ABHD18: variants seen among roughly 807,000 people sequenced by gnomAD.
The protein encoded by ABHD18 is abhydrolase domain containing 18.
A neutral mutation model predicts 65.9 loss-of-function variants in ABHD18; 55 were observed. The observed-to-expected ratio is 0.84, with a 90% CI of 0.67 to 1.05. The LOEUF is 1.05. Among genes scored for constraint, ABHD18 ranks in the 50% least tolerant of loss-of-function variants. The pLI is 0.00. For missense variants in ABHD18, 533 were observed against 558.5 expected, an observed-to-expected ratio of 0.95 and a Z score of 0.46; for synonymous variants, 181 against 180.2, an observed-to-expected ratio of 1.00 and a Z score of -0.04.
intron 10 of ABHD18, among the ~76,000 whole-genome samples, chr4:128,028,259 A>T (rs1757664279): frequency 6.6e-6 from 1 of 151,104 alleles, no homozygotes; most frequent in African/African-American, 2.5e-5. Context: ...TGGCTTATTC[A>T]CTTAAGATAA....
At chr4:127,996,995 T>G (rs1425384453) in intron 4 of ABHD18, among the ~76,000 whole-genome samples, 1 of 152,190 alleles carries the variant, frequency 6.6e-6, no homozygotes, top group African/African-American at 2.4e-5. Flanking sequence ...TGTACAACAG[T>G]GGTCCTGAGG....
At chr4:127,993,067 C>G (rs1751190992) in intron 4 of ABHD18, among the ~76,000 whole-genome samples, 2 of 152,026 alleles carry the variant, frequency 1.3e-5, no homozygotes, top group Non-Finnish European at 2.9e-5. Flanking sequence ...GAGCAAGACC[C>G]TGTGTCAAAA....
intron 1 of ABHD18, among the ~76,000 whole-genome samples, chr4:127,972,762 C>G (rs1201466110): frequency 1.3e-5 from 2 of 152,002 alleles, no homozygotes; most frequent in African/African-American, 4.8e-5. Flanking sequence ...AAACACTAGT[C>G]AAGCAATTTA....
intron 7 of ABHD18, among the ~76,000 whole-genome samples, 186 bp downstream of exon 7, chr4:128,011,886 T>G (rs190926541): frequency 1.3e-5 from 2 of 152,276 alleles, no homozygotes; most frequent in East Asian, 3.9e-4. Context: ...TTTTGCATTT[T>G]AATGTCTGTT....
intron 7 of ABHD18, among the ~76,000 whole-genome samples, chr4:128,015,406 A>G (rs866671361): frequency 5.3e-5 from 8 of 152,210 alleles, no homozygotes; most frequent in African/African-American, 1.9e-4. Context: ...AGAATTTCAT[A>G]TCAGTAACTT....
At chr4:127,975,319 C>T (rs999253667) in intron 1 of ABHD18, among the ~76,000 whole-genome samples, 2 of 152,150 alleles carry the variant, frequency 1.3e-5, no homozygotes, top group Non-Finnish European at 2.9e-5. Flanking sequence ...TCCCATCCCC[C>T]CAGTACTGGG....
At position 128,033,415 on chromosome 4, in the gene ABHD18, C is replaced by A. The variant is rs539149170; in HGVS notation, c.1344-2347C>A. Reference sequence around the variant, plus strand: ...CCTTCTTATGGTTCATTATAATTCACAGGGAACAAGTACTTGAGCCAAAGA... The same window carrying A: ...CCTTCTTATGGTTCATTATAATTCAAAGGGAACAAGTACTTGAGCCAAAGA... On this transcript the variant is annotated intron_variant, in intron 12 of 12. Coordinates refer to ENST00000645843, the MANE Select transcript of ABHD18 (RefSeq NM_001358451.3). Among the ~76,000 whole-genome samples the A allele has an allele frequency of 3.3e-5, 5 of 151,880 alleles. No homozygotes were observed. In the South Asian group the frequency reaches 1.0e-3, roughly 32 times the overall value.
chr4:127,997,914 G>T (rs1273318473), intron 4 of ABHD18, among the ~76,000 whole-genome samples: 1 of 150,176 alleles, frequency 6.7e-6, no homozygotes, highest in Non-Finnish European at 1.5e-5. Context: ...TTTTTTGACA[G>T]ATTCTTGCTC....
intron 1 of ABHD18, among the ~76,000 whole-genome samples, chr4:127,971,544 G>A (rs1037383135): frequency 2.4e-5 from 3 of 127,396 alleles, no homozygotes; most frequent in Non-Finnish European, 4.7e-5. Flanking sequence ...AGGCTGGAGT[G>A]CAGTGGTGTG....
At chr4:127,988,031 A>G (rs1234290518) in intron 3 of ABHD18, among the ~76,000 whole-genome samples, 1 of 152,322 alleles carries the variant, frequency 6.6e-6, no homozygotes, top group East Asian at 1.9e-4. Flanking sequence ...GCAGTTGTCA[A>G]CACAGCGTGA....
At chr4:127,977,343 A>G (rs1006900903) in intron 1 of ABHD18, among the ~76,000 whole-genome samples, 8 of 152,042 alleles carry the variant, frequency 5.3e-5, no homozygotes, top group Non-Finnish European at 1.2e-4. Context: ...GTGGTGGCGC[A>G]TGCCTGTAAT....
intron 12 of ABHD18, chr4:128,031,040 C>A (rs1290429682): frequency 2.0e-6 from 2 of 1,005,832 alleles, no homozygotes; most frequent in African/African-American, 3.5e-5. Context: ...ATGGCCTGAA[C>A]ATCTGTGGAA....
At chr4:128,002,180 C>T (rs571989625) in intron 4 of ABHD18, among the ~76,000 whole-genome samples, 1 of 152,170 alleles carries the variant, frequency 6.6e-6, no homozygotes, top group East Asian at 1.9e-4. Context: ...CAGGCTGAGG[C>T]AGGAGAATCA....
At chr4:127,976,857 C>G (rs912871221) in intron 1 of ABHD18, among the ~76,000 whole-genome samples, 1 of 151,978 alleles carries the variant, frequency 6.6e-6, no homozygotes, top group Non-Finnish European at 1.5e-5. Context: ...CTGGCTAACA[C>G]GCTGAAACCC....
chr4:128,027,434 C>T (rs450264), intron 10 of ABHD18, among the ~76,000 whole-genome samples: 4,594 of 150,558 alleles, frequency 0.031, 101 homozygotes, highest in Non-Finnish European at 0.048. Context: ...GAGACGGAGT[C>T]TCACTCTGTC....
At chr4:127,972,136 T>C (rs1746948376) in intron 1 of ABHD18, among the ~76,000 whole-genome samples, 1 of 152,184 alleles carries the variant, frequency 6.6e-6, no homozygotes, top group Non-Finnish European at 1.5e-5. Context: ...AAGAGAAACA[T>C]GAGGCAAGGT....
intron 2 of ABHD18, among the ~76,000 whole-genome samples, chr4:127,984,054 A>AG (rs1749546570): frequency 6.6e-6 from 1 of 151,928 alleles, no homozygotes; most frequent in Admixed American, 6.6e-5. Context: ...AAAAAAAAAA[A>AG]AAGAAAGAAA....
chr4:127,997,023 T>C (rs556266037), intron 4 of ABHD18, among the ~76,000 whole-genome samples: 1 of 152,342 alleles, frequency 6.6e-6, no homozygotes, highest in East Asian at 1.9e-4. Context: ...CATTCTCAGC[T>C]TACGAAGATA....
In ABHD18 at chr4:127,982,989, A is replaced by G; in HGVS notation, c.34A>G (p.Arg12Gly). 1 of 1,566,688 alleles carries G rather than the reference A, an allele frequency of 6.4e-7. No individual in the cohort carries two copies. Among genetic ancestry groups the G allele is most frequent in the Non-Finnish European group, 8.7e-7 (1 of 1,154,170 alleles). Residue 12 changes from arginine to glycine, a missense_variant, in exon 2 of 13, where the codon AGA becomes GGA. Arg to Gly is a moderately radical substitution (Grantham distance 125). Coordinates refer to ENST00000645843, the MANE Select transcript of ABHD18 (RefSeq NM_001358451.3). ...GVSKLDILYR[R>G]LLLTKLFIRG... The stretch of plus-strand genomic sequence containing the variant: ...GAGCAAGTTAGATATTCTATACCGG[A>G]GACTTCTCCTAACAAAACTTTTTAT...
Sources: gnomAD v4.1 joint callset for allele counts (sites outside exome capture counted in the v4.1 genomes callset) on GRCh38, gnomAD v4.1.1 for gene constraint, MANE v1.5 for transcripts, NCBI Gene and HGNC (gene_info 2026-07-23, HGNC 2026-07-21) for gene names.